Variants in GRIA1 observed in about 807,000 individuals in gnomAD.
GRIA1 encodes glutamate receptor 1.
Under a neutral mutation model 99.2 loss-of-function variants are expected in GRIA1, and 31 were observed. That is an observed-to-expected ratio of 0.31 (90% CI 0.23 to 0.42). The LOEUF (loss-of-function observed/expected upper bound fraction) is 0.42. Among genes scored for constraint, GRIA1 ranks in the 10% least tolerant of loss-of-function variants. GRIA1 has a pLI of 1.00. For missense variants in GRIA1, 782 were observed against 1,157.5 expected (o/e 0.68, Z 4.71); for synonymous variants, 438 against 432.4 (o/e 1.01, Z -0.16).
rs538753852 is a variant in GRIA1 at position 153,750,894 on chromosome 5, G to T, written c.1824-13540G>T. Among the ~76,000 whole-genome samples the T allele has an allele frequency of 2.6e-5, 4 of 152,122 alleles. No homozygotes were observed. In the East Asian group the frequency reaches 7.7e-4, roughly 29 times the overall value. ...AGCCGGATCACGAGGTCAGGAGATCGAGACCATCCTGGCCAAAGATGATGA... is the reference window on the plus strand; with the variant it reads ...AGCCGGATCACGAGGTCAGGAGATCTAGACCATCCTGGCCAAAGATGATGA... On this transcript the variant is annotated intron_variant, in intron 11 of 15. Coordinates refer to ENST00000285900, the MANE Select transcript of GRIA1 (RefSeq NM_000827.4).
At chr5:153,741,926 G>T (rs1761819582) in intron 11 of GRIA1, among the ~76,000 whole-genome samples, 2 of 109,490 alleles carry the variant, frequency 1.8e-5, no homozygotes, top group South Asian at 7.9e-4. Context: ...TAAAACTAAA[G>T]CTTTTTTTAA....
rs1190136112 is a variant in GRIA1, at chr5:153,687,302, C to A, written c.1134+973C>A. Among the ~76,000 whole-genome samples, 3 of 152,290 alleles carry A rather than the reference C, an allele frequency of 2.0e-5. No homozygotes were observed. The East Asian group carries it at 5.8e-4, about 29-fold the overall frequency. ...TGGAATCCTCAACACTGAATCCTGG[C>A]TTCACCACTTACTAGTCTGGGGTTC... On this transcript the variant is annotated intron_variant, in intron 8 of 15. Transcript: ENST00000285900.
chr5:153,583,234 C>T (rs1308303655), intron 2 of GRIA1, among the ~76,000 whole-genome samples: 1 of 152,070 alleles, frequency 6.6e-6, no homozygotes, highest in Non-Finnish European at 1.5e-5. Flanking sequence ...CACCCGGGTC[C>T]CCTGACTTTT....
At chr5:153,500,100 T>C (rs1754842460) in intron 2 of GRIA1, among the ~76,000 whole-genome samples, 1 of 152,230 alleles carries the variant, frequency 6.6e-6, no homozygotes, top group Non-Finnish European at 1.5e-5. Context: ...TTGGCTCTTA[T>C]TATAATATTG....
chr5:153,729,135 C>CA (rs1382752979), intron 11 of GRIA1, among the ~76,000 whole-genome samples: 48 of 145,254 alleles, frequency 3.3e-4, no homozygotes, highest in Non-Finnish European at 5.5e-4. Context: ...ATCACAAGAA[C>CA]AAAAAACCAA....
At chr5:153,773,867 C>T (rs1764043065) in intron 13 of GRIA1, among the ~76,000 whole-genome samples, 1 of 152,084 alleles carries the variant, frequency 6.6e-6, no homozygotes, top group Non-Finnish European at 1.5e-5. Context: ...GATTCAAAAA[C>T]AAAAGAGTAA....
At chr5:153,799,507 T>C (rs1340121950) in intron 14 of GRIA1, among the ~76,000 whole-genome samples, 1 of 152,210 alleles carries the variant, frequency 6.6e-6, no homozygotes, top group Non-Finnish European at 1.5e-5. Flanking sequence ...CTCAGCTATC[T>C]GGACTAAGAC....
At chr5:153,550,508 A>G (rs1760039703) in intron 2 of GRIA1, among the ~76,000 whole-genome samples, 1 of 152,166 alleles carries the variant, frequency 6.6e-6, no homozygotes, top group South Asian at 2.1e-4. Context: ...ATGAATTGTT[A>G]CTATTATTGT....
chr5:153,749,388 AG>A (rs2149587313), intron 11 of GRIA1, among the ~76,000 whole-genome samples: 1 of 152,254 alleles, frequency 6.6e-6, no homozygotes, highest in South Asian at 2.1e-4. Flanking sequence ...AAAGAAAAGA[AG>A]TTTATTTAGC....
At chr5:153,631,557 T>C (rs1752965481) in intron 2 of GRIA1, among the ~76,000 whole-genome samples, 1 of 152,210 alleles carries the variant, frequency 6.6e-6, no homozygotes, top group Non-Finnish European at 1.5e-5. Flanking sequence ...AAAATCATTG[T>C]AATATTAGGT....
At chr5:153,725,082 G>C in intron 11 of GRIA1, among the ~76,000 whole-genome samples, 1 of 152,102 alleles carries the variant, frequency 6.6e-6, no homozygotes, top group Non-Finnish European at 1.5e-5. Context: ...AAGCGACTGG[G>C]GGCCAATATT....
chr5:153,555,566 C>G (rs1014329261), intron 2 of GRIA1, among the ~76,000 whole-genome samples: 2 of 152,140 alleles, frequency 1.3e-5, no homozygotes, highest in African/African-American at 4.8e-5. Flanking sequence ...CCTTATTCCA[C>G]TAAGACTCAC....
intron 13 of GRIA1, among the ~76,000 whole-genome samples, chr5:153,782,422 C>T (rs1764691111): frequency 6.6e-6 from 1 of 152,160 alleles, no homozygotes; most frequent in South Asian, 2.1e-4. Flanking sequence ...GGACAGTCTC[C>T]ACTCATTCCA....
chr5:153,784,256 C>G (rs1241110412), intron 13 of GRIA1, among the ~76,000 whole-genome samples: 2 of 152,104 alleles, frequency 1.3e-5, no homozygotes, highest in African/African-American at 4.8e-5. Flanking sequence ...CCCAGGAAAA[C>G]TGGGACAGCT....
chr5:153,665,967 G>T (rs1755714456), intron 5 of GRIA1, among the ~76,000 whole-genome samples: 2 of 152,166 alleles, frequency 1.3e-5, no homozygotes, highest in Admixed American at 6.5e-5. Context: ...TGGCTATACA[G>T]GTTGAGATAA....
intron 13 of GRIA1, among the ~76,000 whole-genome samples, chr5:153,788,328 T>C (rs944354672): frequency 6.6e-6 from 1 of 152,238 alleles, no homozygotes; most frequent in African/African-American, 2.4e-5. Flanking sequence ...GCTCCTCCAC[T>C]AGCCTTCTCA....
chr5:153,537,091 G>A (rs11741791), intron 2 of GRIA1, among the ~76,000 whole-genome samples: 7,667 of 152,222 alleles, frequency 0.05, 265 homozygotes, highest in Non-Finnish European at 0.076. Flanking sequence ...AAAAGCAATC[G>A]GACATCTTGG....
chr5:153,751,394 G>C (rs1762504542), intron 11 of GRIA1, among the ~76,000 whole-genome samples: 1 of 152,260 alleles, frequency 6.6e-6, no homozygotes, highest in African/African-American at 2.4e-5. Flanking sequence ...AAAGGTCTCT[G>C]ATATTCGCAG....
At chr5:153,781,969 A>G (rs1300590072) in intron 13 of GRIA1, among the ~76,000 whole-genome samples, 1 of 151,890 alleles carries the variant, frequency 6.6e-6, no homozygotes, top group Non-Finnish European at 1.5e-5. Flanking sequence ...AAAATGGGCC[A>G]GGGGTAAAAC....
Sources: gnomAD v4.1 joint callset for allele counts (sites outside exome capture counted in the v4.1 genomes callset) on GRCh38, gnomAD v4.1.1 for gene constraint, MANE v1.5 for transcripts, NCBI Gene and HGNC (gene_info 2026-07-23, HGNC 2026-07-21) for gene names.